Variants in PCBP3 observed in about 807,000 individuals in gnomAD.
The protein encoded by PCBP3 is poly(rC)-binding protein 3.
Under a neutral mutation model 52.7 loss-of-function variants are expected in PCBP3, and 25 were observed. The observed-to-expected ratio is 0.47, with a 90% confidence interval of 0.35 to 0.66. The LOEUF is 0.66. PCBP3 is among the 30% of genes least tolerant of loss of function. The probability of loss-of-function intolerance (pLI) is 0.01; values close to 1 mark genes in which losing one functional copy is unlikely to be tolerated. For synonymous variants in PCBP3, 162 were observed against 183.0 expected (o/e 0.89, Z 0.93); for missense variants, 391 against 490.3 (o/e 0.80, Z 1.91).
chr21:45,682,030 G>A (rs1036769144), intron 2 of PCBP3, among the ~76,000 whole-genome samples: 1 of 152,072 alleles, frequency 6.6e-6, no homozygotes, highest in Non-Finnish European at 1.5e-5. Flanking sequence ...TCAAGAAGAA[G>A]AGGAGAAGAA....
intron 9 of PCBP3, among the ~76,000 whole-genome samples, chr21:45,905,469 C>T (rs2149171353): frequency 6.6e-6 from 1 of 152,380 alleles, no homozygotes. Context: ...CCACAGAGGA[C>T]TGTGCCGAAG....
chr21:45,700,295 T>A (rs1487657423), intron 2 of PCBP3, among the ~76,000 whole-genome samples: 1 of 152,244 alleles, frequency 6.6e-6, no homozygotes, highest in Non-Finnish European at 1.5e-5. Flanking sequence ...TTTAATGTGT[T>A]CTAGGGAATA....
At chr21:45,888,365 A>G (rs1327810421) in intron 5 of PCBP3, among the ~76,000 whole-genome samples, 1 of 152,240 alleles carries the variant, frequency 6.6e-6, no homozygotes, top group Non-Finnish European at 1.5e-5. Context: ...CGTTACCTCC[A>G]GAGTGGATTT....
chr21:45,822,562 C>G (rs1388628507), intron 4 of PCBP3, among the ~76,000 whole-genome samples: 2 of 151,282 alleles, frequency 1.3e-5, no homozygotes, highest in African/African-American at 4.9e-5. Context: ...AGGGGTGGAC[C>G]TGGCATGGGA....
intron 5 of PCBP3, among the ~76,000 whole-genome samples, chr21:45,885,472 C>T (rs9983803): frequency 6.6e-6 from 1 of 151,986 alleles, no homozygotes; most frequent in Non-Finnish European, 1.5e-5. Context: ...TTTTCAAGAG[C>T]CTTTATCCCC....
chr21:45,745,026 C>T (rs1432326789), intron 3 of PCBP3, among the ~76,000 whole-genome samples: 1 of 152,142 alleles, frequency 6.6e-6, no homozygotes, highest in African/African-American at 2.4e-5. Context: ...CCACTGTAGG[C>T]ATGTCACAGG....
intron 5 of PCBP3, among the ~76,000 whole-genome samples, chr21:45,891,957 G>A (rs527879123): frequency 2.0e-4 from 30 of 152,306 alleles, no homozygotes; most frequent in African/African-American, 7.2e-4. Flanking sequence ...CACACAGCCT[G>A]CCTTCCACAG....
At chr21:45,697,378 T>G (rs1016511898) in intron 2 of PCBP3, among the ~76,000 whole-genome samples, 5 of 152,230 alleles carry the variant, frequency 3.3e-5, no homozygotes, top group African/African-American at 1.2e-4. Flanking sequence ...AGCACAAACT[T>G]GTGGAGAATA....
At chr21:45,739,449 C>T (rs1461803832) in intron 3 of PCBP3, among the ~76,000 whole-genome samples, 1 of 144,004 alleles carries the variant, frequency 6.9e-6, no homozygotes, top group Non-Finnish European at 1.5e-5. Flanking sequence ...CCATCTTCAT[C>T]AGCCCACCAC....
At chr21:45,698,034 G>T (rs1255993324) in intron 2 of PCBP3, among the ~76,000 whole-genome samples, 1 of 152,136 alleles carries the variant, frequency 6.6e-6, no homozygotes, top group African/African-American at 2.4e-5. Flanking sequence ...TTATCCTGTT[G>T]TCTCACCTGG....
At chr21:45,847,394 A>G (rs1156247802) in intron 4 of PCBP3, among the ~76,000 whole-genome samples, 1 of 152,084 alleles carries the variant, frequency 6.6e-6, no homozygotes, top group African/African-American at 2.4e-5. Flanking sequence ...GCCCACCTCC[A>G]TCCTTACCCT....
chr21:45,877,486 C>T (rs1240688806), intron 5 of PCBP3, among the ~76,000 whole-genome samples: 4 of 152,142 alleles, frequency 2.6e-5, no homozygotes, highest in African/African-American at 9.7e-5. Context: ...CAGTTTTAAA[C>T]AGATTTTGCC....
chr21:45,740,874 G>A (rs2086393743), intron 3 of PCBP3, among the ~76,000 whole-genome samples: 1 of 152,228 alleles, frequency 6.6e-6, no homozygotes, highest in Non-Finnish European at 1.5e-5. Context: ...GCGTTACTGT[G>A]CAGCTGAACA....
chr21:45,845,644 A>G (rs1404750859), intron 4 of PCBP3, among the ~76,000 whole-genome samples: 3 of 146,130 alleles, frequency 2.1e-5, no homozygotes, highest in Non-Finnish European at 4.5e-5. Flanking sequence ...CCGTGTGCAC[A>G]TGTGTGAGTG....
chr21:45,670,061 G>T (rs1012936752), intron 2 of PCBP3, among the ~76,000 whole-genome samples: 2 of 151,462 alleles, frequency 1.3e-5, no homozygotes, highest in African/African-American at 4.9e-5. Context: ...TAGCAGCTCC[G>T]CATTTTACAT....
chr21:45,869,028 T>A (rs2094885827), intron 5 of PCBP3, among the ~76,000 whole-genome samples: 1 of 152,260 alleles, frequency 6.6e-6, no homozygotes, highest in African/African-American at 2.4e-5. Flanking sequence ...CTGTGCGGTA[T>A]TTAGGGTTGT....
Position 45,735,571 on chromosome 21 carries a change from A to C in PCBP3, c.-162+142A>C, listed in dbSNP as rs992869811. The C allele has an allele frequency of 6.6e-6, 1 of 152,182 alleles. No individual in the cohort carries two copies. The highest frequency in any genetic ancestry group is 2.4e-5 in the African/African-American group (1 of 41,432). The allele number at this position is 152,182 out of a possible 1,614,324, so 9.4% of individuals were successfully genotyped here. On this transcript the variant is annotated intron_variant, in intron 3 of 17. Coordinates refer to ENST00000681687, the MANE Select transcript of PCBP3 (RefSeq NM_001384156.1). The surrounding 1 kb of genome is among the most constrained non-coding windows in gnomAD (Gnocchi z 4.0). ...CCTCTGGATCCTGGTTTTATGTCTC[A>C]TGGGGAACCTGCCTCAGGTCACACT...
intron 3 of PCBP3, among the ~76,000 whole-genome samples, chr21:45,748,794 C>T (rs1030200506): frequency 2.6e-5 from 4 of 152,308 alleles, no homozygotes; most frequent in South Asian, 2.1e-4. Flanking sequence ...GAGAAGTGTC[C>T]GGTAGGAACC....
At chr21:45,833,497 T>C (rs979209950) in intron 4 of PCBP3, among the ~76,000 whole-genome samples, 2 of 152,240 alleles carry the variant, frequency 1.3e-5, no homozygotes, top group African/African-American at 4.8e-5. Context: ...TGGCAGCTTA[T>C]TCACAAAGAC....
Sources: gnomAD v4.1 joint callset for allele counts (sites outside exome capture counted in the v4.1 genomes callset) on GRCh38, gnomAD v4.1.1 for gene constraint, Gnocchi (gnomAD v3.1) non-coding constraint, MANE v1.5 for transcripts, NCBI Gene and HGNC (gene_info 2026-07-23, HGNC 2026-07-21) for gene names.